Variants in ZNF41 observed in about 807,000 individuals in gnomAD.
ZNF41 encodes the protein zinc finger protein 41.
A neutral mutation model predicts 9.3 loss-of-function variants in ZNF41; 6 were observed. The ratio of observed to expected loss-of-function variants is 0.65; its 90% CI spans 0.35 to 1.28. The LOEUF (loss-of-function observed/expected upper bound fraction) is 1.28. ZNF41 is among the 50% of genes most tolerant of loss of function. ZNF41 has a pLI of 0.03. For synonymous variants in ZNF41, 192 were observed against 207.1 expected (o/e 0.93, Z 0.63); for missense variants, 523 against 585.8 (o/e 0.89, Z 1.11).
intron 2 of ZNF41, among the ~76,000 whole-genome samples, chrX:47,464,630 T>C (rs5953044): frequency 0.015 from 1,702 of 111,522 alleles, 26 homozygotes; most frequent in African/African-American, 0.052. Flanking sequence ...AAGAGATGAA[T>C]GGAGAAATGT....
chrX:47,467,343 C>T (rs760277092), intron 2 of ZNF41, 67 bp downstream of exon 2: 1 of 1,168,165 alleles, frequency 8.6e-7, no homozygotes, highest in Admixed American at 2.6e-5. Flanking sequence ...CCCTTAGGCC[C>T]TGGGGACAGG....
At chrX:47,467,315 C>T in intron 2 of ZNF41, 95 bp downstream of exon 2, 1 of 1,166,290 alleles carries the variant, frequency 8.6e-7, no homozygotes, top group Non-Finnish European at 1.1e-6. Flanking sequence ...GCCACTTCCT[C>T]TGACTCACCT....
intron 4 of ZNF41, among the ~76,000 whole-genome samples, chrX:47,455,548 G>C (rs1255934188): frequency 1.8e-5 from 2 of 111,299 alleles, no homozygotes; most frequent in Admixed American, 1.9e-4. Context: ...TCATGTCACT[G>C]CACTCCAGCC....
In ZNF41 at chrX:47,447,703, T is replaced by C; in HGVS notation, c.2067A>G (p.Lys689=). 1 of 1,211,550 alleles carries C rather than the reference T, an allele frequency of 8.3e-7. No homozygotes were observed. The highest frequency in any genetic ancestry group is 3.0e-5 in the East Asian group (1 of 33,823). The change falls in exon 5 of 5, where the codon AAA becomes AAG. Residue 689 remains lysine (K), a synonymous_variant. Transcript: ENST00000684689. ...ITHQKIHTRE[K]PYECGDCGKT... is the part of the protein sequence containing the mutation. The stretch of plus-strand genomic sequence containing the variant: ...TCCCGCAGTCACCACATTCATAGGG[T>C]TTCTCCCTAGTGTGGATTTTCTGAT...
In ZNF41 at chrX:47,455,940, G is replaced by A. The variant is rs772284584; in HGVS notation, c.276C>T (p.Ala92=). 2 of 1,211,291 alleles carry A rather than the reference G, an allele frequency of 1.7e-6. No homozygotes were observed. Among genetic ancestry groups the A allele is most frequent in the East Asian group, 5.9e-5 (2 of 33,810 alleles). Residue 92 remains alanine, a synonymous_variant, in exon 4 of 5, where the codon GCC becomes GCT. Coordinates refer to ENST00000684689, the MANE Select transcript of ZNF41 (RefSeq NM_001324144.2). The part of the protein sequence containing the change: ...GEGPWMLEGE[A]PHQSCSGEAI... ...ACTCACCTGAACAGCTCTGATGTGG[G>A]GCTTCCCCCTCCAGCATCCATGGCC...
chrX:47,461,190 C>T (rs751877045), intron 2 of ZNF41, among the ~76,000 whole-genome samples: 3 of 105,010 alleles, frequency 2.9e-5, no homozygotes, highest in Non-Finnish European at 5.9e-5. Context: ...CTCTACCTCC[C>T]GGGTTCAAGT....
intron 1 of ZNF41, among the ~76,000 whole-genome samples, chrX:47,475,424 GTA>G (rs1389956983): frequency 2.7e-5 from 3 of 111,315 alleles, no homozygotes; most frequent in Non-Finnish European, 5.7e-5. Context: ...TTCTAAATGT[GTA>G]TATAGTCGAA....
At chrX:47,472,430 CTTCTTTTTTTT>C (rs1230388476) in intron 1 of ZNF41, among the ~76,000 whole-genome samples, 1 of 93,701 alleles carries the variant, frequency 1.1e-5, no homozygotes, top group African/African-American at 3.9e-5. Flanking sequence ...AAAAACATGG[CTTCTTTTTTTT>C]TTTTTTTTTT....
chrX:47,449,049 T>C lies in ZNF41; in HGVS notation c.721A>G (p.Asn241Asp). 8.3e-7 allele frequency: 1 copy of C among 1,211,299 alleles called. No homozygotes were observed. The highest frequency in any genetic ancestry group is 1.1e-6 in the Non-Finnish European group (1 of 895,274). Reference sequence around the variant, plus strand: ...TCATAGTGGTCATGTTCACAGGAATTTGCTCCTGTTTTAGCATTCTCATTC... The same window carrying C: ...TCATAGTGGTCATGTTCACAGGAATCTGCTCCTGTTTTAGCATTCTCATTC... ...TKNENAKTGA[N>D]SCEHDHYEKH... Residue 241 changes from asparagine (N) to aspartate (D), a missense_variant, in exon 5 of 5, where the codon AAT becomes GAT. By Grantham distance (23) the Asn-to-Asp change is conservative. Coordinates refer to ENST00000684689, the MANE Select transcript of ZNF41 (RefSeq NM_001324144.2).
At chrX:47,456,193 A>G in intron 3 of ZNF41, 79 bp downstream of exon 3, 1 of 1,142,390 alleles carries the variant, frequency 8.8e-7, no homozygotes, top group Non-Finnish European at 1.2e-6. Context: ...ACCATCACAT[A>G]GGTTAGGTGT....
intron 2 of ZNF41, among the ~76,000 whole-genome samples, chrX:47,464,861 T>C (rs766114011): frequency 4.9e-4 from 55 of 112,228 alleles, no homozygotes; most frequent in African/African-American, 1.8e-3. Flanking sequence ...AAACATAATT[T>C]CAATGACTTG....
At position 47,448,884 on chromosome X, in the gene ZNF41, C is replaced by G; in HGVS notation, c.886G>C (p.Glu296Gln). 8.3e-7 allele frequency: 1 copy of G among 1,211,655 alleles called. No homozygotes were observed. The highest frequency in any genetic ancestry group is 1.1e-6 in the Non-Finnish European group (1 of 895,552). ...LFEHQRIHAG[E>Q]KSRECDKSNK... ...CTTTTGTCACATTCACGGGACTTTTCTCCAGCATGAATTCTCTGATGCTCA... is the reference window on the plus strand; with the variant it reads ...CTTTTGTCACATTCACGGGACTTTTGTCCAGCATGAATTCTCTGATGCTCA... The change falls in exon 5 of 5, where the codon GAA (glutamate) becomes CAA (glutamine). Residue 296 changes from glutamate (E) to glutamine (Q), a missense_variant. Coordinates refer to ENST00000684689, the MANE Select transcript of ZNF41 (RefSeq NM_001324144.2).
intron 4 of ZNF41, among the ~76,000 whole-genome samples, chrX:47,449,998 T>C (rs962374700): frequency 9.0e-6 from 1 of 111,579 alleles, no homozygotes; most frequent in Non-Finnish European, 1.9e-5. Context: ...ACCACTTTAC[T>C]AAGCTCTCTG....
intron 4 of ZNF41, 52 bp from the exon 5 acceptor site, chrX:47,449,526 G>C: frequency 2.6e-6 from 3 of 1,162,727 alleles, no homozygotes; most frequent in Non-Finnish European, 3.5e-6. Flanking sequence ...ATCAGCAGAG[G>C]CTAGAGGGGA....
intron 2 of ZNF41, among the ~76,000 whole-genome samples, chrX:47,461,707 CCT>C (rs1167393902): frequency 3.7e-5 from 4 of 108,796 alleles, no homozygotes; most frequent in African/African-American, 1.3e-4. Flanking sequence ...CTGTGCCTGG[CCT>C]CTTTTTTTAC....
At chrX:47,461,384 C>T (rs1432466785) in intron 2 of ZNF41, among the ~76,000 whole-genome samples, 1 of 107,816 alleles carries the variant, frequency 9.3e-6, no homozygotes, top group African/African-American at 3.4e-5. Flanking sequence ...AGGCTTGAGC[C>T]ACCGCGCCTG....
intron 1 of ZNF41, among the ~76,000 whole-genome samples, chrX:47,475,153 GA>G (rs907914705): frequency 9.4e-6 from 1 of 106,134 alleles, no homozygotes. Context: ...AAAGAGAAAG[GA>G]AAAAAAATAT....
chrX:47,451,377 C>T (rs1022764145), intron 4 of ZNF41, among the ~76,000 whole-genome samples: 3 of 112,391 alleles, frequency 2.7e-5, no homozygotes, highest in Non-Finnish European at 3.8e-5. Flanking sequence ...GTTCCAAATT[C>T]ACCCTTCCTT....
chrX:47,466,986 T>C (rs994158507), intron 2 of ZNF41, among the ~76,000 whole-genome samples: 5 of 111,744 alleles, frequency 4.5e-5, no homozygotes, highest in African/African-American at 1.3e-4. Flanking sequence ...AAAGGGGCAC[T>C]GGTGGGGATC....
Sources: allele counts gnomAD v4.1 joint callset (sites outside exome capture counted in the v4.1 genomes callset), GRCh38; gene constraint gnomAD v4.1.1; transcripts MANE v1.5; gene names NCBI Gene and HGNC (gene_info 2026-07-23, HGNC 2026-07-21).